RARG: variants seen among roughly 807,000 people sequenced by gnomAD.
The protein encoded by RARG is RAR-gamma.
RARG carries 17 observed loss-of-function variants against 43.7 expected under a neutral mutation model. That is an observed-to-expected ratio of 0.39 (90% CI 0.27 to 0.58). The LOEUF (loss-of-function observed/expected upper bound fraction) is 0.58. RARG is among the 20% of genes least tolerant of loss of function. The pLI is 0.57. For synonymous variants in RARG, 238 were observed against 236.4 expected (o/e 1.01, Z -0.06); for missense variants, 346 against 598.7 (o/e 0.58, Z 4.40).
At chr12:53,229,986 TG>T (rs1280490914) in intron 2 of RARG, 1 of 976,714 alleles carries the variant, frequency 1.0e-6, no homozygotes, top group Non-Finnish European at 1.2e-6. Flanking sequence ...AGAAGGGACT[TG>T]GGAGTTGAGT....
chr12:53,223,916 G>A (rs1943045051), intron 3 of RARG, among the ~76,000 whole-genome samples: 1 of 152,132 alleles, frequency 6.6e-6, no homozygotes, highest in Admixed American at 6.5e-5. Context: ...AGCATCACCA[G>A]GTTCAGAGGA....
intron 3 of RARG, among the ~76,000 whole-genome samples, chr12:53,222,084 CA>C (rs889930775): frequency 1.3e-5 from 2 of 151,896 alleles, no homozygotes; most frequent in Admixed American, 1.3e-4. Context: ...CTCGGGGTGG[CA>C]AGGCTGACTA....
At chr12:53,221,429 T>G (rs1307951403) in intron 3 of RARG, among the ~76,000 whole-genome samples, 1 of 152,170 alleles carries the variant, frequency 6.6e-6, no homozygotes. Flanking sequence ...CTCCAGTTTC[T>G]CACTGCCAAG....
chr12:53,215,254 A>G lies in RARG; in HGVS notation c.475+39T>C. On this transcript the variant is annotated intron_variant, in intron 5 of 9. Transcript: ENST00000425354. The surrounding 1 kb of genome is among the most constrained non-coding windows in gnomAD (Gnocchi z 6.4). The stretch of plus-strand genomic sequence containing the variant: ...AAGAGGGCCACAGCCATAGGGTAGG[A>G]CCGAAGTGCTCCTGCCCAAGCCAAG... 6.2e-7 allele frequency: 1 copy of G among 1,607,026 alleles called. No homozygotes were observed.
intron 3 of RARG, among the ~76,000 whole-genome samples, chr12:53,219,780 T>G (rs1316778823): frequency 1.3e-5 from 2 of 152,130 alleles, no homozygotes; most frequent in Non-Finnish European, 2.9e-5. Flanking sequence ...CAAACACTAC[T>G]GCACACACGC....
chr12:53,220,814 G>A (rs548823534), intron 3 of RARG, among the ~76,000 whole-genome samples: 1 of 152,270 alleles, frequency 6.6e-6, no homozygotes, highest in Non-Finnish European at 1.5e-5. Flanking sequence ...GTCAATACAG[G>A]GGTGTTAAGG....
chr12:53,228,831 C>T (rs1943168685), intron 2 of RARG, among the ~76,000 whole-genome samples: 1 of 152,226 alleles, frequency 6.6e-6, no homozygotes, highest in African/African-American at 2.4e-5. Flanking sequence ...ACCTTGGCCT[C>T]TCAAAGTGCT....
rs1332634048 is a variant in RARG, at chr12:53,210,745, A to G, written c.*931T>C. 1 of 152,700 alleles carries G rather than the reference A, an allele frequency of 6.5e-6. No individual in the cohort carries two copies. Among genetic ancestry groups the G allele is most frequent in the African/African-American group, 2.4e-5 (1 of 41,450 alleles). The allele number at this position is 152,700 out of a possible 1,614,324, so 9.5% of individuals were successfully genotyped here. ...AATACAAACTGGGGATTGGAGGAAG[A>G]AAGGAGGGGTCACAGGGGCCCTGGG... is the stretch of plus-strand genomic sequence containing the variant. On this transcript the variant is annotated 3_prime_UTR_variant, in exon 10 of 10. Transcript: ENST00000425354.
Position 53,213,934 on chromosome 12 carries a change from G to A in RARG, c.813+125C>T. On this transcript the variant is annotated intron_variant, in intron 7 of 9. Coordinates refer to ENST00000425354, the MANE Select transcript of RARG (RefSeq NM_000966.6). The surrounding 1 kb of genome is among the most constrained non-coding windows in gnomAD (Gnocchi z 4.7). The stretch of plus-strand genomic sequence containing the variant: ...AGGGGCAGAGGCTAAGACGAAAAGA[G>A]AGCTGAGGAGTCCCACATGTGTGGC... 8.1e-7 allele frequency: 1 copy of A among 1,230,672 alleles called. No individual in the cohort carries two copies. 76.2% of individuals were successfully genotyped at this position (1,230,672 alleles called of 1,614,324 possible).
chr12:53,220,469 A>G, intron 3 of RARG: 2 of 657,964 alleles, frequency 3.0e-6, no homozygotes, highest in Non-Finnish European at 4.6e-6. Flanking sequence ...GAGCGCACAC[A>G]TACACATACG....
At chr12:53,224,045 A>G (rs6580936) in intron 3 of RARG, among the ~76,000 whole-genome samples, 52,340 of 152,018 alleles carry the variant, frequency 0.34, 12,511 homozygotes, top group African/African-American at 0.67. Flanking sequence ...GAACACACTA[A>G]GATTCACAAA....
In RARG at chr12:53,213,305, G is replaced by A; in HGVS notation, c.1019-62C>T. On this transcript the variant is annotated intron_variant, in intron 8 of 9. Coordinates refer to ENST00000425354, the MANE Select transcript of RARG (RefSeq NM_000966.6). This position sits in a 1 kb window ranked among gnomAD's most constrained non-coding sequence, Gnocchi z 4.7. ...AAGAGATGGGGAAGACACAGTGACA[G>A]ATGGCTGATCACCAACCGGCGTTTT... 1 of 1,504,982 alleles carries A rather than the reference G, an allele frequency of 6.6e-7. No homozygotes were observed. Among genetic ancestry groups the A allele is most frequent in the Non-Finnish European group, 9.2e-7 (1 of 1,090,726 alleles). 93.2% of individuals were successfully genotyped at this position (1,504,982 alleles called of 1,614,324 possible).
At position 53,227,135 on chromosome 12, in the gene RARG, T is replaced by C. The variant is rs936302598; in HGVS notation, c.184+227A>G. On this transcript the variant is annotated intron_variant, in intron 3 of 9. Coordinates refer to ENST00000425354, the MANE Select transcript of RARG (RefSeq NM_000966.6). The surrounding 1 kb of genome is among the most constrained non-coding windows in gnomAD (Gnocchi z 4.3). The stretch of plus-strand genomic sequence containing the variant: ...AAGTTTTAGGCCTGCTACCTCCCTA[T>C]CCTATTTGACAGGAGAACTCTCATT... Among the ~76,000 whole-genome samples the C allele has an allele frequency of 7.4e-6, 1 of 135,848 alleles. No individual in the cohort carries two copies. The highest frequency in any genetic ancestry group is 3.5e-5 in the African/African-American group (1 of 28,176). 89.1% of individuals were successfully genotyped at this position (135,848 alleles called of 152,430 possible).
chr12:53,220,002 G>A (rs1942904286), intron 3 of RARG: 2 of 1,524,670 alleles, frequency 1.3e-6, no homozygotes, highest in Non-Finnish European at 1.8e-6. Flanking sequence ...CGGCGAAACA[G>A]GAGCCGCCGG....
intron 3 of RARG, among the ~76,000 whole-genome samples, chr12:53,225,602 G>A (rs767506727): frequency 7.2e-5 from 11 of 152,164 alleles, no homozygotes; most frequent in Non-Finnish European, 1.5e-4. Context: ...AAGGATGTGC[G>A]TTTATCTTTT....
Position 53,215,712 on chromosome 12 carries a change from T to C in RARG, c.267A>G (p.Pro89=), listed in dbSNP as rs780698274. The C allele has an allele frequency of 6.2e-7, 1 of 1,613,698 alleles. No homozygotes were observed. The highest frequency in any genetic ancestry group is 8.5e-7 in the Non-Finnish European group (1 of 1,179,898). ...AGGACTTGTCATTGCACACGAAGCA[T>C]GGCTTGTAGACCCGAGGAGGCGGAG... ...SPPPPPRVYK[P]CFVCNDKSSG... is the part of the protein sequence containing the mutation. Residue 89 remains proline, a synonymous_variant, in exon 4 of 10, where the codon CCA becomes CCG. Coordinates refer to ENST00000425354, the MANE Select transcript of RARG (RefSeq NM_000966.6). This position sits in a 1 kb window ranked among gnomAD's most constrained non-coding sequence, Gnocchi z 6.4.
rs1252719334 is a variant in RARG, at chr12:53,215,020, G to A, written c.475+273C>T. ...AGGGAAAGGGACTGGCAAGCCCACT[G>A]GCTTCATTTCCCCCATGAAACAGGG... On this transcript the variant is annotated intron_variant, in intron 5 of 9. Transcript: ENST00000425354. The surrounding 1 kb of genome is among the most constrained non-coding windows in gnomAD (Gnocchi z 6.4). 2.6e-5 allele frequency among the ~76,000 whole-genome samples: 4 copies of A among 152,162 alleles called. No individual in the cohort carries two copies. The highest frequency in any genetic ancestry group is 9.7e-5 in the African/African-American group (4 of 41,430).
At chr12:53,219,088 G>A (rs1942867925) in intron 3 of RARG, among the ~76,000 whole-genome samples, 1 of 152,290 alleles carries the variant, frequency 6.6e-6, no homozygotes, top group Admixed American at 6.5e-5. Context: ...ATTTCACGGA[G>A]GGGGAAGATA....
At chr12:53,226,739 G>C (rs1445392654) in intron 3 of RARG, among the ~76,000 whole-genome samples, 1 of 151,800 alleles carries the variant, frequency 6.6e-6, no homozygotes, top group Non-Finnish European at 1.5e-5. Flanking sequence ...AGCCTCCCAA[G>C]TAGCTGGGAC....
Sources: allele counts gnomAD v4.1 joint callset (sites outside exome capture counted in the v4.1 genomes callset), GRCh38; gene constraint gnomAD v4.1.1; non-coding constraint Gnocchi (gnomAD v3.1); transcripts MANE v1.5; gene names NCBI Gene and HGNC (gene_info 2026-07-23, HGNC 2026-07-21).